Variants in CCDC192 observed in about 807,000 individuals in gnomAD.
The protein encoded by CCDC192 is coiled-coil domain-containing protein 192.
chr5:127,908,769 A>G (rs921727685), intron 6 of CCDC192, among the ~76,000 whole-genome samples: 1 of 152,226 alleles, frequency 6.6e-6, no homozygotes, highest in Non-Finnish European at 1.5e-5. Flanking sequence ...GGTAGGGAAG[A>G]GTAAACACTG....
At chr5:127,926,654 G>C (rs1753870614) in intron 6 of CCDC192, among the ~76,000 whole-genome samples, 1 of 152,150 alleles carries the variant, frequency 6.6e-6, no homozygotes, top group South Asian at 2.1e-4. Flanking sequence ...TCAGAGGTTA[G>C]ATAATGAGTT....
At chr5:127,814,325 C>T (rs1758241869) in intron 5 of CCDC192, among the ~76,000 whole-genome samples, 2 of 152,080 alleles carry the variant, frequency 1.3e-5, no homozygotes, top group South Asian at 4.2e-4. Flanking sequence ...GCATTAAAAA[C>T]AAGTTATGTC....
At chr5:127,931,513 TG>T (rs1754029064) in intron 6 of CCDC192, among the ~76,000 whole-genome samples, 1 of 152,196 alleles carries the variant, frequency 6.6e-6, no homozygotes, top group Admixed American at 6.5e-5. Context: ...CTGTGCATAT[TG>T]CAGCCTTGTC....
At chr5:127,918,612 C>T (rs1753598705) in intron 6 of CCDC192, among the ~76,000 whole-genome samples, 1 of 152,172 alleles carries the variant, frequency 6.6e-6, no homozygotes, top group Non-Finnish European at 1.5e-5. Context: ...TCCATTTACA[C>T]TTTTCTCTTG....
chr5:127,803,714 A>T (rs181529428), intron 5 of CCDC192, among the ~76,000 whole-genome samples: 19 of 152,168 alleles, frequency 1.2e-4, no homozygotes, highest in Admixed American at 2.0e-4. Context: ...CGGCCATCCC[A>T]TCTCTCAGTT....
intron 2 of CCDC192, among the ~76,000 whole-genome samples, chr5:127,750,788 C>T (rs1201441769): frequency 2.0e-5 from 3 of 150,302 alleles, no homozygotes; most frequent in Admixed American, 6.6e-5. Context: ...CTTTATGAAT[C>T]TGGGTGCTCC....
chr5:127,875,000 C>T (rs537092514), intron 5 of CCDC192, among the ~76,000 whole-genome samples: 92 of 151,302 alleles, frequency 6.1e-4, no homozygotes, highest in African/African-American at 1.9e-3. Context: ...TTATGCTTGA[C>T]GCTTTCTTAC....
intron 1 of CCDC192, among the ~76,000 whole-genome samples, chr5:127,706,992 T>C (rs768448716): frequency 4.0e-5 from 6 of 151,860 alleles, no homozygotes; most frequent in Non-Finnish European, 8.8e-5. Flanking sequence ...AGAGAGAGAG[T>C]GATAAGTCAT....
At chr5:127,912,095 T>C (rs2127177819) in intron 6 of CCDC192, among the ~76,000 whole-genome samples, 1 of 151,768 alleles carries the variant, frequency 6.6e-6, no homozygotes, top group East Asian at 1.9e-4. Context: ...CTAATTTTTT[T>C]TTTTTTTTGT....
At chr5:127,789,656 C>T (rs1273728083) in intron 3 of CCDC192, among the ~76,000 whole-genome samples, 1 of 152,214 alleles carries the variant, frequency 6.6e-6, no homozygotes, top group Admixed American at 6.5e-5. Flanking sequence ...AGCAAGAACA[C>T]TGCCAGTCTG....
chr5:127,895,160 T>C (rs1310669321), intron 6 of CCDC192, among the ~76,000 whole-genome samples: 1 of 152,150 alleles, frequency 6.6e-6, no homozygotes, highest in African/African-American at 2.4e-5. Flanking sequence ...CCCACCACCT[T>C]CTTCTAACAG....
intron 5 of CCDC192, among the ~76,000 whole-genome samples, chr5:127,856,751 G>A (rs1751116411): frequency 1.3e-5 from 2 of 152,194 alleles, no homozygotes; most frequent in African/African-American, 4.8e-5. Context: ...GAGATGGAGA[G>A]ATATGGGAAA....
At chr5:127,778,927 A>G (rs1242306296) in intron 3 of CCDC192, among the ~76,000 whole-genome samples, 1 of 152,044 alleles carries the variant, frequency 6.6e-6, no homozygotes, top group Admixed American at 6.6e-5. Flanking sequence ...CTAGTATCTT[A>G]TAATCCTTTT....
intron 2 of CCDC192, among the ~76,000 whole-genome samples, chr5:127,716,293 G>A (rs754054937): frequency 2.6e-5 from 4 of 152,068 alleles, no homozygotes; most frequent in Non-Finnish European, 4.4e-5. Flanking sequence ...GGATTTGCTA[G>A]CATTTTGTTG....
intron 6 of CCDC192, among the ~76,000 whole-genome samples, chr5:127,904,183 G>T (rs2127169843): frequency 6.6e-6 from 1 of 152,302 alleles, no homozygotes; most frequent in African/African-American, 2.4e-5. Context: ...AAGAAATATG[G>T]ACAGCCTCTG....
At chr5:127,722,734 G>A (rs972706919) in intron 2 of CCDC192, among the ~76,000 whole-genome samples, 4 of 152,110 alleles carry the variant, frequency 2.6e-5, no homozygotes, top group African/African-American at 9.7e-5. Flanking sequence ...TCCAATGTAT[G>A]TTCTTGGTAA....
chr5:127,720,515 T>C (rs1751957395), intron 2 of CCDC192, among the ~76,000 whole-genome samples: 1 of 152,318 alleles, frequency 6.6e-6, no homozygotes. Flanking sequence ...CGGTGCAAGC[T>C]GTTGGTGGAT....
At chr5:127,844,678 A>G (rs1750449171) in intron 5 of CCDC192, among the ~76,000 whole-genome samples, 1 of 152,262 alleles carries the variant, frequency 6.6e-6, no homozygotes, top group South Asian at 2.1e-4. Context: ...TATTTTGGGG[A>G]CGCAGCAGGA....
chr5:127,832,710 TAA>T (rs1435420464), intron 5 of CCDC192, among the ~76,000 whole-genome samples: 6 of 152,168 alleles, frequency 3.9e-5, no homozygotes, highest in African/African-American at 9.7e-5. Flanking sequence ...ATTTAATATA[TAA>T]GTTACCAATA....
Sources: allele counts gnomAD v4.1 joint callset (sites outside exome capture counted in the v4.1 genomes callset), GRCh38; gene constraint gnomAD v4.1.1; transcripts MANE v1.5; gene names NCBI Gene and HGNC (gene_info 2026-07-23, HGNC 2026-07-21).